BMP2K: variants seen among roughly 807,000 people sequenced by gnomAD.
The protein encoded by BMP2K is BMP2 inducible kinase, also known as BMP-2-inducible protein kinase.
BMP2K carries 74 observed loss-of-function variants against 116.0 expected under a neutral mutation model. The observed-to-expected ratio is 0.64, with a 90% CI of 0.53 to 0.77. The LOEUF (loss-of-function observed/expected upper bound fraction) is 0.77, where lower values mean the gene tolerates loss of function less well. BMP2K is among the 30% of genes least tolerant of loss of function. BMP2K has a pLI of 0.00. For missense variants in BMP2K, 1,365 were observed against 1,403.6 expected, an observed-to-expected ratio of 0.97 and a Z score of 0.44; for synonymous variants, 486 against 502.5, an observed-to-expected ratio of 0.97 and a Z score of 0.44.
chr4:78,900,357 G>C (rs1290938176), intron 15 of BMP2K, among the ~76,000 whole-genome samples: 5 of 152,302 alleles, frequency 3.3e-5, no homozygotes, highest in Non-Finnish European at 7.4e-5. Flanking sequence ...ATTTTTGACT[G>C]TGTCGGAGGT....
intron 8 of BMP2K, chr4:78,859,960 A>C: frequency 1.8e-6 from 1 of 556,818 alleles, no homozygotes; most frequent in South Asian, 1.7e-5. Context: ...GACTTAGCAC[A>C]AAACTAATTT....
intron 14 of BMP2K, among the ~76,000 whole-genome samples, chr4:78,884,939 AAAT>A (rs957770006): frequency 6.6e-6 from 1 of 152,222 alleles, no homozygotes; most frequent in Non-Finnish European, 1.5e-5. Flanking sequence ...TTTGACAACA[AAAT>A]AATAAAAAGT....
Position 78,878,808 on chromosome 4 carries a change from G to A in BMP2K, c.1868G>A (p.Gly623Glu), listed in dbSNP as rs1218939866. Reference sequence around the variant, plus strand: ...ATCAGCAATCCACCTGATATGTCAGGGTGGAATCCTTTTGGAGAGGATAAT... The same window carrying A: ...ATCAGCAATCCACCTGATATGTCAGAGTGGAATCCTTTTGGAGAGGATAAT... ...KNISNPPDMSGWNPFGEDNFS... is the reference protein window; with the variant it reads ...KNISNPPDMSEWNPFGEDNFS... Residue 623 changes from glycine (G) to glutamate (E), a missense_variant, in exon 14 of 16, where the codon GGG becomes GAG. Around this residue, in one of 3 missense-constraint regions of BMP2K, gnomAD observed 7 missense variants for 23.6 expected, o/e 0.30. Transcript: ENST00000502613. 6.2e-7 allele frequency: 1 copy of A among 1,613,080 alleles called. No individual in the cohort carries two copies. The highest frequency in any genetic ancestry group is 8.5e-7 in the Non-Finnish European group (1 of 1,179,744).
At chr4:78,887,096 A>G in intron 14 of BMP2K, 78 bp from the exon 15 acceptor site, 2 of 990,068 alleles carry the variant, frequency 2.0e-6, no homozygotes, top group Non-Finnish European at 3.0e-6. Context: ...ACTTTTATTT[A>G]TATGTATATC....
chr4:78,859,933 C>T (rs1301551144), intron 8 of BMP2K: 2 of 555,296 alleles, frequency 3.6e-6, no homozygotes, highest in Non-Finnish European at 6.5e-6. Context: ...TTGAGGAAAA[C>T]ACAGGGACAT....
chr4:78,898,084 A>G (rs1193056661), intron 15 of BMP2K, among the ~76,000 whole-genome samples: 1 of 152,178 alleles, frequency 6.6e-6, no homozygotes, highest in Non-Finnish European at 1.5e-5. Flanking sequence ...ACAGGAATGA[A>G]GAGGGCATTC....
chr4:78,789,632 A>C (rs10518203), intron 1 of BMP2K, among the ~76,000 whole-genome samples: 1 of 152,212 alleles, frequency 6.6e-6, no homozygotes, highest in Non-Finnish European at 1.5e-5. Context: ...TTCCTAAGGC[A>C]GTCAAACCAT....
At chr4:78,842,605 G>A (rs554352935) in intron 4 of BMP2K, 78 bp downstream of exon 4, 100 of 1,350,708 alleles carry the variant, frequency 7.4e-5, no homozygotes, top group Non-Finnish European at 9.5e-5. Context: ...ATCTAAATCA[G>A]TATAAAAACT....
intron 7 of BMP2K, among the ~76,000 whole-genome samples, chr4:78,856,066 A>T (rs901152272): frequency 6.6e-6 from 1 of 152,168 alleles, no homozygotes; most frequent in Non-Finnish European, 1.5e-5. Context: ...TTTTGTTAAT[A>T]GATGATATGG....
chr4:78,809,037 G>A (rs1728956329), intron 1 of BMP2K, among the ~76,000 whole-genome samples: 1 of 152,088 alleles, frequency 6.6e-6, no homozygotes, highest in African/African-American at 2.4e-5. Flanking sequence ...ATTCATTATT[G>A]AAAGAGGAGT....
chr4:78,840,073 T>C (rs1730683149), intron 3 of BMP2K, among the ~76,000 whole-genome samples: 1 of 151,906 alleles, frequency 6.6e-6, no homozygotes. Context: ...GAGTAATAGG[T>C]TGTATTTTTG....
intron 10 of BMP2K, among the ~76,000 whole-genome samples, chr4:78,866,268 G>A (rs574284518): frequency 1.1e-4 from 17 of 152,226 alleles, no homozygotes; most frequent in East Asian, 3.9e-4. Context: ...AGAAATGTCC[G>A]TAACATTTGA....
intron 12 of BMP2K, chr4:78,872,212 C>T (rs895237509): frequency 2.3e-5 from 7 of 306,188 alleles, no homozygotes; most frequent in South Asian, 1.6e-4. Flanking sequence ...TATAGTCTTT[C>T]GTCACATGTC....
chr4:78,907,607 G>A (rs1444324588), intron 15 of BMP2K, among the ~76,000 whole-genome samples: 2 of 152,202 alleles, frequency 1.3e-5, no homozygotes, highest in African/African-American at 4.8e-5. Context: ...AAAGGGTAGT[G>A]AAGACAATTT....
At chr4:78,885,374 T>C (rs954895226) in intron 14 of BMP2K, among the ~76,000 whole-genome samples, 15 of 152,312 alleles carry the variant, frequency 9.8e-5, no homozygotes, top group African/African-American at 2.2e-4. Flanking sequence ...GACAGCAGTG[T>C]CAGTATCACT....
At chr4:78,822,346 G>T (rs1729659842) in intron 1 of BMP2K, among the ~76,000 whole-genome samples, 1 of 151,968 alleles carries the variant, frequency 6.6e-6, no homozygotes, top group South Asian at 2.1e-4. Context: ...TCCTACCCTT[G>T]AAAAAAGTTG....
Position 78,881,406 on chromosome 4 carries a change from G to GT in BMP2K, c.1951+2520dup, listed in dbSNP as rs57505215. Among the ~76,000 whole-genome samples the GT allele has an allele frequency of 5.6e-3, 851 of 152,056 alleles. 11 individuals are homozygous for GT. The highest frequency in any genetic ancestry group is 0.019 in the African/African-American group (805 of 41,492). On this transcript the variant is annotated intron_variant, in intron 14 of 15. Transcript: ENST00000502613. ...CAAGGAAGTTGATGGAAAAGTGTCTGTTTTTCCTTTAATAATTGATACTCA... is the reference window on the plus strand; with the variant it reads ...CAAGGAAGTTGATGGAAAAGTGTCTGTTTTTTCCTTTAATAATTGATACTCA...
intron 14 of BMP2K, among the ~76,000 whole-genome samples, chr4:78,884,044 CACAA>C (rs769793993): frequency 2.8e-4 from 43 of 152,098 alleles, no homozygotes; most frequent in Non-Finnish European, 5.3e-4. Flanking sequence ...GGCTCTGTCT[CACAA>C]ACAAACGTGC....
Position 78,914,856 on chromosome 4 carries a change from A to G in BMP2K, c.*2823A>G, listed in dbSNP as rs1397881022. 6.6e-6 allele frequency: 1 copy of G among 151,934 alleles called. No individual in the cohort carries two copies. The highest frequency in any genetic ancestry group is 1.5e-5 in the Non-Finnish European group (1 of 67,894). 9.4% of individuals were successfully genotyped at this position (151,934 alleles called of 1,614,324 possible). A position where few individuals can be genotyped will look rare whatever the true frequency, so the allele number is the denominator to read the frequency against. ...AAGAGAAGTAAATTATTATGAAGCT[A>G]GCAAAAATCTTGAGGCCAAAGTTGT... On this transcript the variant is annotated 3_prime_UTR_variant, in exon 16 of 16. Coordinates refer to ENST00000502613, the MANE Select transcript of BMP2K (RefSeq NM_198892.2).
Sources: gnomAD v4.1 joint callset for allele counts (sites outside exome capture counted in the v4.1 genomes callset) on GRCh38, gnomAD v4.1.1 for gene constraint, gnomAD v4.1.1 regional missense constraint, MANE v1.5 for transcripts, NCBI Gene and HGNC (gene_info 2026-07-23, HGNC 2026-07-21) for gene names.